NEGR1: variants seen among roughly 807,000 people sequenced by gnomAD.
NEGR1 encodes the protein neuronal growth regulator 1.
In NEGR1, 10 loss-of-function variants were observed where a neutral mutation model predicts 40.9. The observed-to-expected ratio is 0.24, with a 90% CI of 0.15 to 0.42. The LOEUF (loss-of-function observed/expected upper bound fraction) is 0.42, where lower values mean the gene tolerates loss of function less well. NEGR1 is among the 10% of genes least tolerant of loss of function. NEGR1 has a pLI of 1.00. For synonymous variants in NEGR1, 185 were observed against 166.8 expected (o/e 1.11, Z -0.84); for missense variants, 352 against 438.9 (o/e 0.80, Z 1.77).
intron 6 of NEGR1, among the ~76,000 whole-genome samples, chr1:71,588,065 A>G (rs1241302659): frequency 6.6e-6 from 1 of 152,126 alleles, no homozygotes; most frequent in Non-Finnish European, 1.5e-5. Context: ...CGTGTACAAC[A>G]TGTTTTACTT....
intron 3 of NEGR1, among the ~76,000 whole-genome samples, chr1:71,773,244 C>T (rs1347541623): frequency 6.6e-6 from 1 of 152,132 alleles, no homozygotes; most frequent in African/African-American, 2.4e-5. Context: ...GCAAGAATTA[C>T]CATGGGCATT....
intron 2 of NEGR1, among the ~76,000 whole-genome samples, chr1:71,923,385 T>TCACA (rs986981453): frequency 1.6e-3 from 235 of 149,806 alleles, no homozygotes; most frequent in Middle Eastern, 6.9e-3. Context: ...TCTCTCTCTC[T>TCACA]CACACACACA....
intron 1 of NEGR1, among the ~76,000 whole-genome samples, chr1:71,999,122 A>C (rs1367044576): frequency 6.6e-6 from 1 of 151,972 alleles, no homozygotes; most frequent in African/African-American, 2.4e-5. Flanking sequence ...GACAGATGTC[A>C]ATTTCTGAAA....
At chr1:71,689,451 A>T (rs1340927146) in intron 4 of NEGR1, among the ~76,000 whole-genome samples, 1 of 152,190 alleles carries the variant, frequency 6.6e-6, no homozygotes, top group African/African-American at 2.4e-5. Context: ...TAAGTGACTG[A>T]ATTAAAAACA....
At chr1:71,460,724 T>C (rs961043049) in intron 6 of NEGR1, among the ~76,000 whole-genome samples, 6 of 152,146 alleles carry the variant, frequency 3.9e-5, no homozygotes, top group African/African-American at 1.4e-4. Flanking sequence ...AGGGAAAATT[T>C]TGAAGTTATC....
At chr1:71,508,165 G>A (rs2101411665) in intron 6 of NEGR1, among the ~76,000 whole-genome samples, 1 of 152,180 alleles carries the variant, frequency 6.6e-6, no homozygotes, top group Non-Finnish European at 1.5e-5. Flanking sequence ...ACCACTTCCA[G>A]CCTGGTGACT....
At chr1:71,497,572 T>C (rs1049601152) in intron 6 of NEGR1, among the ~76,000 whole-genome samples, 2 of 152,136 alleles carry the variant, frequency 1.3e-5, no homozygotes, top group African/African-American at 4.8e-5. Flanking sequence ...TGGTATGTTG[T>C]TTCTCTAAAT....
chr1:71,791,907 G>A (rs1657133479), intron 2 of NEGR1, among the ~76,000 whole-genome samples: 1 of 152,076 alleles, frequency 6.6e-6, no homozygotes. Flanking sequence ...TTGGGAGGAT[G>A]AACAGAGAAT....
rs1649187440 is a variant in NEGR1 at position 72,107,576 on chromosome 1, G to A, written c.177-172265C>T. ...AAGATGTCACATCTATTGTGCTTTG[G>A]ATTAAAAAATGTTTTGTTATCCATA... On this transcript the variant is annotated intron_variant, in intron 1 of 6. Coordinates refer to ENST00000357731, the MANE Select transcript of NEGR1 (RefSeq NM_173808.3). 2.0e-5 allele frequency among the ~76,000 whole-genome samples: 3 copies of A among 151,316 alleles called. No homozygotes were observed. In the South Asian group the frequency reaches 6.3e-4, roughly 32 times the overall value.
chr1:71,908,823 C>A (rs1036993383), intron 2 of NEGR1, among the ~76,000 whole-genome samples: 7 of 152,046 alleles, frequency 4.6e-5, no homozygotes. Context: ...ACTTTCAATT[C>A]TAAACTACTT....
At chr1:72,068,064 G>A (rs1479032547) in intron 1 of NEGR1, among the ~76,000 whole-genome samples, 1 of 152,090 alleles carries the variant, frequency 6.6e-6, no homozygotes, top group African/African-American at 2.4e-5. Flanking sequence ...TAAAATTAGA[G>A]GTTCATTGAT....
At chr1:71,472,135 G>C (rs554466609) in intron 6 of NEGR1, among the ~76,000 whole-genome samples, 1 of 152,060 alleles carries the variant, frequency 6.6e-6, no homozygotes, top group Admixed American at 6.6e-5. Flanking sequence ...TGATCTCTAC[G>C]ATCTCTTTGA....
chr1:72,006,914 G>A (rs966313428), intron 1 of NEGR1, among the ~76,000 whole-genome samples: 1 of 152,078 alleles, frequency 6.6e-6, no homozygotes, highest in African/African-American at 2.4e-5. Flanking sequence ...TTTGATGAGG[G>A]TGTAAAGTGA....
chr1:71,845,380 T>C (rs1659370608), intron 2 of NEGR1, among the ~76,000 whole-genome samples: 1 of 152,008 alleles, frequency 6.6e-6, no homozygotes, highest in Non-Finnish European at 1.5e-5. Flanking sequence ...AAAAATCAGA[T>C]CTTGAGATGG....
At chr1:71,503,369 C>G (rs1417343252) in intron 6 of NEGR1, among the ~76,000 whole-genome samples, 1 of 152,034 alleles carries the variant, frequency 6.6e-6, no homozygotes, top group African/African-American at 2.4e-5. Flanking sequence ...AGTAAAAAGC[C>G]CTCACCCAGC....
At chr1:72,127,191 C>T (rs1327105542) in intron 1 of NEGR1, among the ~76,000 whole-genome samples, 1 of 152,050 alleles carries the variant, frequency 6.6e-6, no homozygotes, top group Non-Finnish European at 1.5e-5. Context: ...CGGTGGCTCA[C>T]GCCTGTAATC....
chr1:71,481,014 TA>T (rs1646850529), intron 6 of NEGR1, among the ~76,000 whole-genome samples: 1 of 151,958 alleles, frequency 6.6e-6, no homozygotes, highest in Non-Finnish European at 1.5e-5. Context: ...ATATAATAGC[TA>T]ATGCTTATTA....
At chr1:71,785,760 T>C (rs1656888118) in intron 2 of NEGR1, among the ~76,000 whole-genome samples, 1 of 152,180 alleles carries the variant, frequency 6.6e-6, no homozygotes, top group Admixed American at 6.6e-5. Flanking sequence ...ACATTTCCCA[T>C]AGCTAAAAGC....
chr1:71,979,680 A>T (rs1646337797), intron 1 of NEGR1, among the ~76,000 whole-genome samples: 1 of 152,154 alleles, frequency 6.6e-6, no homozygotes, highest in Non-Finnish European at 1.5e-5. Flanking sequence ...CTAATGGATG[A>T]CTAGTTACTC....
Sources: gnomAD v4.1 joint callset for allele counts (sites outside exome capture counted in the v4.1 genomes callset) on GRCh38, gnomAD v4.1.1 for gene constraint, MANE v1.5 for transcripts, NCBI Gene and HGNC (gene_info 2026-07-23, HGNC 2026-07-21) for gene names.